SHROOM3: variants seen among roughly 807,000 people sequenced by gnomAD.
SHROOM3 encodes the protein shroom family member 3, also known as protein Shroom3.
A neutral mutation model predicts 138.6 loss-of-function variants in SHROOM3; 47 were observed. That is an observed-to-expected ratio of 0.34 (90% CI 0.27 to 0.43). The LOEUF (loss-of-function observed/expected upper bound fraction) is 0.43. Ranked by LOEUF, SHROOM3 falls within the 20% of genes least tolerant of loss-of-function variation. The probability of loss-of-function intolerance (pLI) is 1.00; values close to 1 mark genes in which losing one functional copy is unlikely to be tolerated. For synonymous variants in SHROOM3, 1,062 were observed against 1,063.3 expected, an observed-to-expected ratio of 1.00 and a Z score of 0.02; for missense variants, 2,491 against 2,596.5, an observed-to-expected ratio of 0.96 and a Z score of 0.88.
intron 8 of SHROOM3, 123 bp downstream of exon 8, chr4:76,757,060 C>G (rs1721839673): frequency 1.4e-6 from 2 of 1,477,816 alleles, no homozygotes; most frequent in Non-Finnish European, 1.9e-6. Flanking sequence ...CCAAGAGTGA[C>G]ATTTTATCTC....
chr4:76,502,579 G>A (rs1352712595), intron 1 of SHROOM3, among the ~76,000 whole-genome samples: 1 of 152,226 alleles, frequency 6.6e-6, no homozygotes, highest in Non-Finnish European at 1.5e-5. Flanking sequence ...TGCTTGGTGT[G>A]TGGGGAAAAC....
intron 2 of SHROOM3, among the ~76,000 whole-genome samples, chr4:76,685,860 C>T (rs1004030703): frequency 2.0e-5 from 3 of 152,108 alleles, no homozygotes; most frequent in African/African-American, 7.2e-5. Flanking sequence ...CACCTGTAAT[C>T]CCAGCTACTC....
intron 1 of SHROOM3, among the ~76,000 whole-genome samples, chr4:76,441,753 G>A (rs1348636886): frequency 1.3e-5 from 2 of 151,264 alleles, no homozygotes; most frequent in Admixed American, 6.6e-5. Flanking sequence ...ATAGAGTTTC[G>A]CTCTTGTTGC....
intron 2 of SHROOM3, among the ~76,000 whole-genome samples, chr4:76,598,950 G>T (rs150375491): frequency 7.4e-4 from 112 of 152,270 alleles, no homozygotes; most frequent in African/African-American, 2.6e-3. Flanking sequence ...GCTGCTCCAG[G>T]TGAAAAATAA....
At position 76,754,448 on chromosome 4, in the gene SHROOM3, A is replaced by T. The variant is rs1304452254; in HGVS notation, c.3965A>T (p.His1322Leu). 6.2e-7 allele frequency: 1 copy of T among 1,614,164 alleles called. No homozygotes were observed. The highest frequency in any genetic ancestry group is 1.1e-5 in the South Asian group (1 of 91,078). ...AGTGAATGTCCTGGAACCCTGGACC[A>T]TCAGAGGCAAGCCAGTAGGACACCC... ...VPSECPGTLD[H>L]QRQASRTPCP... The change falls in exon 7 of 11, where the codon CAT (histidine) becomes CTT (leucine). Residue 1322 changes from histidine (H) to leucine (L), a missense_variant. Coordinates refer to ENST00000296043, the MANE Select transcript of SHROOM3 (RefSeq NM_020859.4).
intron 1 of SHROOM3, among the ~76,000 whole-genome samples, chr4:76,475,157 C>T (rs1731460448): frequency 6.6e-6 from 1 of 151,832 alleles, no homozygotes; most frequent in Non-Finnish European, 1.5e-5. Context: ...AATTATATGT[C>T]GTTTTGTAAT....
At position 76,436,420 on chromosome 4, in the gene SHROOM3, G is replaced by A. The variant is rs577016007; in HGVS notation, c.168+200G>A. Reference sequence around the variant, plus strand: ...CTAGCTCATTTATTCTATGAAATCCGAAGAAAAATATGCCTGTTTGATGGA... The same window carrying A: ...CTAGCTCATTTATTCTATGAAATCCAAAGAAAAATATGCCTGTTTGATGGA... On this transcript the variant is annotated intron_variant, in intron 1 of 10. Coordinates refer to ENST00000296043, the MANE Select transcript of SHROOM3 (RefSeq NM_020859.4). 1.6e-4 allele frequency among the ~76,000 whole-genome samples: 24 copies of A among 152,126 alleles called. No homozygotes were observed. In the South Asian group the frequency reaches 1.9e-3, roughly 12 times the overall value.
rs370218064 is a variant in SHROOM3 at position 76,563,157 on chromosome 4, C to T, written c.323+7394C>T. ...ATAAGATAGTATATATAAAATGTTT[C>T]ATCATAGTAAAATATTAATCTTTAT... On this transcript the variant is annotated intron_variant, in intron 2 of 10. Coordinates refer to ENST00000296043, the MANE Select transcript of SHROOM3 (RefSeq NM_020859.4). Among the ~76,000 whole-genome samples the T allele has an allele frequency of 2.6e-5, 4 of 152,284 alleles. No individual in the cohort carries two copies. The South Asian group carries it at 8.3e-4, about 32-fold the overall frequency.
intron 1 of SHROOM3, among the ~76,000 whole-genome samples, chr4:76,541,295 G>A (rs543049827): frequency 2.4e-4 from 36 of 147,354 alleles, no homozygotes; most frequent in South Asian, 1.3e-3. Context: ...TGGAATAAAC[G>A]TGCTAAGATG....
chr4:76,649,498 A>G lies in SHROOM3; in HGVS notation c.324-60658A>G, dbSNP rs73826409. Reference sequence around the variant, plus strand: ...GGATCCTAGGGCTTCAATCAAAACCAGTGAGTAGTTTTAAGCAAAATTCTT... The same window carrying G: ...GGATCCTAGGGCTTCAATCAAAACCGGTGAGTAGTTTTAAGCAAAATTCTT... On this transcript the variant is annotated intron_variant, in intron 2 of 10. Coordinates refer to ENST00000296043, the MANE Select transcript of SHROOM3 (RefSeq NM_020859.4). 9.3e-3 allele frequency among the ~76,000 whole-genome samples: 1,410 copies of G among 152,334 alleles called. 20 individuals carry two copies. Among genetic ancestry groups the G allele is most frequent in the African/African-American group, 0.032 (1,350 of 41,572 alleles).
intron 1 of SHROOM3, among the ~76,000 whole-genome samples, chr4:76,443,865 T>G (rs1730749286): frequency 6.6e-6 from 1 of 152,206 alleles, no homozygotes; most frequent in South Asian, 2.1e-4. Flanking sequence ...CATTTTTTCA[T>G]TCCTCAATAT....
intron 9 of SHROOM3, among the ~76,000 whole-genome samples, chr4:76,763,871 A>T (rs534835569): frequency 2.1e-4 from 32 of 152,330 alleles, no homozygotes; most frequent in African/African-American, 7.2e-4. Context: ...TCTTTAATAT[A>T]TTCAGCAAAA....
intron 1 of SHROOM3, among the ~76,000 whole-genome samples, chr4:76,449,857 A>G (rs553136480): frequency 1.4e-4 from 21 of 152,326 alleles, no homozygotes; most frequent in African/African-American, 4.1e-4. Flanking sequence ...TCTTTTAGTT[A>G]AAGCATTTTT....
intron 2 of SHROOM3, among the ~76,000 whole-genome samples, chr4:76,602,810 C>T (rs901548717): frequency 7.9e-5 from 12 of 152,222 alleles, no homozygotes; most frequent in Non-Finnish European, 1.2e-4. Flanking sequence ...ACTCTGTGAC[C>T]GTGCAACCTT....
At chr4:76,674,422 C>T (rs1330285814) in intron 2 of SHROOM3, among the ~76,000 whole-genome samples, 1 of 152,090 alleles carries the variant, frequency 6.6e-6, no homozygotes. Context: ...TCTGACTCCT[C>T]ATAACGTGAG....
intron 3 of SHROOM3, among the ~76,000 whole-genome samples, chr4:76,722,736 A>G (rs1297991198): frequency 6.6e-6 from 1 of 152,200 alleles, no homozygotes; most frequent in Non-Finnish European, 1.5e-5. Context: ...TACAATTCAA[A>G]TATTTGAAAT....
Position 76,710,265 on chromosome 4 carries a change from G to A in SHROOM3, c.433G>A (p.Val145Ile), listed in dbSNP as rs540863066. 1 of 1,613,954 alleles carries A rather than the reference G, an allele frequency of 6.2e-7. No homozygotes were observed. Among genetic ancestry groups the A allele is most frequent in the African/African-American group, 1.3e-5 (1 of 75,016 alleles). The stretch of plus-strand genomic sequence containing the variant: ...CAGGAAAGCAGCGTGGTCAGGAGGG[G>A]TTAAACTTCGGCTGAAGCACAGGTA... ...QHRKAAWSGG[V>I]KLRLKHRRSE... The change falls in exon 3 of 11, where the codon GTT becomes ATT. Residue 145 changes from valine (V) to isoleucine (I), a missense_variant. Physicochemically the swap from Val to Ile is conservative, Grantham distance 29. Around this residue, in one of 4 missense-constraint regions of SHROOM3, gnomAD observed 284 missense variants for 322.8 expected, o/e 0.88. Transcript: ENST00000296043.
chr4:76,770,685 C>T lies in SHROOM3; in HGVS notation c.5409C>T (p.Ser1803=), dbSNP rs1722330774. Residue 1803 remains serine, a synonymous_variant, in exon 10 of 11, where the codon AGC becomes AGT. Transcript: ENST00000296043. ...AGACCCTCCAGGAGGCGAAGGGGAG[C>T]CTGCTCACGGACATCAAGCTCAACA... The part of the protein sequence containing the change: ...KLETLQEAKG[S]LLTDIKLNNA... The T allele has an allele frequency of 1.2e-6, 2 of 1,614,164 alleles. No homozygotes were observed. The highest frequency in any genetic ancestry group is 4.5e-5 in the East Asian group (2 of 44,858).
At chr4:76,699,824 A>G (rs1485599155) in intron 2 of SHROOM3, among the ~76,000 whole-genome samples, 1 of 152,120 alleles carries the variant, frequency 6.6e-6, no homozygotes, top group Non-Finnish European at 1.5e-5. Context: ...GATGTGTTCT[A>G]TGTGACCCCA....
Sources: gnomAD v4.1 joint callset for allele counts (sites outside exome capture counted in the v4.1 genomes callset) on GRCh38, gnomAD v4.1.1 for gene constraint, gnomAD v4.1.1 regional missense constraint, MANE v1.5 for transcripts, NCBI Gene and HGNC (gene_info 2026-07-23, HGNC 2026-07-21) for gene names.